Variants in AUTS2 observed in about 807,000 individuals in gnomAD.
AUTS2 encodes the protein autism susceptibility gene 2 protein.
Under a neutral mutation model 112.4 loss-of-function variants are expected in AUTS2, and 17 were observed. The observed-to-expected ratio is 0.15, with a 90% CI of 0.10 to 0.23. AUTS2 has a LOEUF of 0.23. Ranked by LOEUF, AUTS2 falls within the 10% of genes least tolerant of loss-of-function variation. The pLI is 1.00. For synonymous variants in AUTS2, 751 were observed against 702.7 expected, an observed-to-expected ratio of 1.07 and a Z score of -1.09; for missense variants, 1,510 against 1,701.6, an observed-to-expected ratio of 0.89 and a Z score of 1.98.
At chr7:69,821,937 A>AT (rs1791018432) in intron 1 of AUTS2, among the ~76,000 whole-genome samples, 1 of 147,492 alleles carries the variant, frequency 6.8e-6, no homozygotes, top group Non-Finnish European at 1.5e-5. Context: ...AAAAAAAAAA[A>AT]GTCTAGTAAG....
intron 4 of AUTS2, among the ~76,000 whole-genome samples, chr7:70,364,620 T>A (rs1020544846): frequency 2.1e-5 from 3 of 140,972 alleles, no homozygotes; most frequent in Admixed American, 1.4e-4. Context: ...TAAATAAAAA[T>A]TAAAAAGGGC....
chr7:70,130,572 G>A (rs986319719), intron 3 of AUTS2, among the ~76,000 whole-genome samples: 2 of 152,074 alleles, frequency 1.3e-5, no homozygotes, highest in Non-Finnish European at 2.9e-5. Flanking sequence ...CCTGCAGCCC[G>A]TGGTAGCATG....
chr7:69,643,943 T>G (rs904624429), intron 1 of AUTS2, among the ~76,000 whole-genome samples: 1 of 152,134 alleles, frequency 6.6e-6, no homozygotes, highest in Non-Finnish European at 1.5e-5. Flanking sequence ...ACCCTGTCTG[T>G]AAATAAATAT....
chr7:69,675,317 T>G (rs557921358), intron 1 of AUTS2, among the ~76,000 whole-genome samples: 1 of 152,282 alleles, frequency 6.6e-6, no homozygotes, highest in African/African-American at 2.4e-5. Context: ...TTGTTGCTTT[T>G]AAAAAATAAT....
intron 2 of AUTS2, among the ~76,000 whole-genome samples, chr7:69,965,619 A>C (rs894720072): frequency 6.6e-6 from 1 of 152,214 alleles, no homozygotes; most frequent in African/African-American, 2.4e-5. Flanking sequence ...AGGGAGGAAC[A>C]TAAGGGCATT....
At chr7:69,659,852 C>T (rs568108679) in intron 1 of AUTS2, among the ~76,000 whole-genome samples, 1 of 152,276 alleles carries the variant, frequency 6.6e-6, no homozygotes, top group East Asian at 1.9e-4. Flanking sequence ...ACTCAGCTAC[C>T]TGCTTTCTCT....
intron 3 of AUTS2, among the ~76,000 whole-genome samples, chr7:70,120,600 A>AT (rs1312643528): frequency 1.3e-5 from 2 of 152,076 alleles, no homozygotes; most frequent in South Asian, 2.1e-4. Context: ...AGTAGGTCAT[A>AT]TTTTTTTCAT....
chr7:70,590,832 C>G (rs534805972), intron 5 of AUTS2, among the ~76,000 whole-genome samples: 1 of 152,130 alleles, frequency 6.6e-6, no homozygotes, highest in Admixed American at 6.6e-5. Flanking sequence ...AAAATAATGG[C>G]CTTTTTCGTG....
chr7:70,006,231 C>G (rs1467218199), intron 2 of AUTS2, among the ~76,000 whole-genome samples: 1 of 152,130 alleles, frequency 6.6e-6, no homozygotes, highest in Non-Finnish European at 1.5e-5. Flanking sequence ...AAGGATACAA[C>G]TGGAAAAAAT....
At chr7:70,441,978 G>T (rs576470449) in intron 5 of AUTS2, among the ~76,000 whole-genome samples, 98 of 152,300 alleles carry the variant, frequency 6.4e-4, no homozygotes, top group African/African-American at 2.2e-3. Context: ...CAGAAGCTCA[G>T]AAGGCCCTCA....
intron 5 of AUTS2, among the ~76,000 whole-genome samples, chr7:70,453,544 T>C (rs574203515): frequency 6.6e-6 from 1 of 152,372 alleles, no homozygotes; most frequent in African/African-American, 2.4e-5. Context: ...CTTCTTGGCA[T>C]GCTGGATGCT....
At chr7:69,780,632 T>C (rs866415083) in intron 1 of AUTS2, among the ~76,000 whole-genome samples, 33 of 152,328 alleles carry the variant, frequency 2.2e-4, no homozygotes, top group African/African-American at 7.2e-4. Flanking sequence ...TTTATAGAGC[T>C]GTAAGTGGCT....
At chr7:70,364,290 G>A (rs1250537972) in intron 4 of AUTS2, among the ~76,000 whole-genome samples, 2 of 152,112 alleles carry the variant, frequency 1.3e-5, no homozygotes, top group African/African-American at 2.4e-5. Flanking sequence ...TAGGCCGGGC[G>A]CAGTGGCTCA....
At chr7:70,185,145 A>G (rs1281727047) in intron 4 of AUTS2, among the ~76,000 whole-genome samples, 1 of 151,998 alleles carries the variant, frequency 6.6e-6, no homozygotes, top group East Asian at 1.9e-4. Context: ...TCACTAGAGC[A>G]CTGTGGGAAC....
intron 4 of AUTS2, among the ~76,000 whole-genome samples, chr7:70,268,423 G>T (rs577184066): frequency 9.9e-5 from 15 of 152,252 alleles, no homozygotes; most frequent in African/African-American, 3.6e-4. Flanking sequence ...CTTTCTATAA[G>T]TAGCTTAGTA....
chr7:69,942,620 T>G (rs2129545101), intron 2 of AUTS2, among the ~76,000 whole-genome samples: 1 of 152,348 alleles, frequency 6.6e-6, no homozygotes, highest in South Asian at 2.1e-4. Context: ...GCAAGAGTTT[T>G]GCTAGGATGC....
chr7:70,298,681 T>C (rs1009941675), intron 4 of AUTS2, among the ~76,000 whole-genome samples: 1 of 152,220 alleles, frequency 6.6e-6, no homozygotes, highest in African/African-American at 2.4e-5. Context: ...CAGGTTCCTA[T>C]TAAATCACTA....
At chr7:70,075,350 T>C (rs1165366783) in intron 2 of AUTS2, among the ~76,000 whole-genome samples, 1 of 152,020 alleles carries the variant, frequency 6.6e-6, no homozygotes, top group Non-Finnish European at 1.5e-5. Flanking sequence ...CAGTGCAGAG[T>C]TGGCCTCTGT....
In AUTS2 at chr7:69,599,636, C is replaced by A; in HGVS notation, c.-18C>A. ...AGCCTGTGGCGGGCAAGCGGGGAGACCCCGGCGCAGCAGAACCATGGATGG... is the reference window on the plus strand; with the variant it reads ...AGCCTGTGGCGGGCAAGCGGGGAGAACCCGGCGCAGCAGAACCATGGATGG... On this transcript the variant is annotated 5_prime_UTR_variant, in exon 1 of 19. Transcript: ENST00000342771. This position sits in a 1 kb window ranked among gnomAD's most constrained non-coding sequence, Gnocchi z 7.0. 1.6e-6 allele frequency: 2 copies of A among 1,280,538 alleles called. No individual in the cohort carries two copies. Among genetic ancestry groups the A allele is most frequent in the South Asian group, 3.0e-5 (1 of 32,938 alleles). 79.3% of individuals were successfully genotyped at this position (1,280,538 alleles called of 1,614,324 possible).
Sources: allele counts gnomAD v4.1 joint callset (sites outside exome capture counted in the v4.1 genomes callset), GRCh38; gene constraint gnomAD v4.1.1; non-coding constraint Gnocchi (gnomAD v3.1); transcripts MANE v1.5; gene names NCBI Gene and HGNC (gene_info 2026-07-23, HGNC 2026-07-21).